CNKSR2: variants seen among roughly 807,000 people sequenced by gnomAD.
CNKSR2 encodes the protein connector enhancer of kinase suppressor of Ras 2.
CNKSR2 carries 14 observed loss-of-function variants against 84.4 expected under a neutral mutation model. The ratio of observed to expected loss-of-function variants is 0.17; its 90% CI spans 0.11 to 0.26. The LOEUF is 0.26. Ranked by LOEUF, CNKSR2 falls within the 10% of genes least tolerant of loss-of-function variation. CNKSR2 has a pLI of 1.00. For synonymous variants in CNKSR2, 275 were observed against 277.9 expected, an observed-to-expected ratio of 0.99 and a Z score of 0.10; for missense variants, 485 against 771.2, an observed-to-expected ratio of 0.63 and a Z score of 4.40.
intron 5 of CNKSR2, among the ~76,000 whole-genome samples, chrX:21,477,440 G>A (rs1236072616): frequency 9.6e-6 from 1 of 103,687 alleles, no homozygotes; most frequent in Non-Finnish European, 2.0e-5. Context: ...TTTTTCTTTT[G>A]TTACTTAGGT....
At chrX:21,433,032 C>T (rs2090656911) in intron 3 of CNKSR2, among the ~76,000 whole-genome samples, 1 of 111,690 alleles carries the variant, frequency 9.0e-6, no homozygotes, top group South Asian at 3.7e-4. Flanking sequence ...ATTAGTCTGA[C>T]AACTGTAAAA....
chrX:21,497,659 T>C, intron 6 of CNKSR2, 128 bp from the exon 7 acceptor site: 5 of 470,460 alleles, frequency 1.1e-5, no homozygotes, highest in Non-Finnish European at 1.9e-5. Flanking sequence ...TCTGTCTTCA[T>C]GGATTTATTT....
intron 13 of CNKSR2, among the ~76,000 whole-genome samples, chrX:21,578,799 A>G (rs934302148): frequency 5.4e-5 from 6 of 112,079 alleles, no homozygotes; most frequent in Admixed American, 9.5e-5. Context: ...AGTGGCATGG[A>G]ATAAAGGACT....
intron 11 of CNKSR2, among the ~76,000 whole-genome samples, chrX:21,534,566 G>A (rs775593423): frequency 1.8e-5 from 2 of 110,215 alleles, no homozygotes; most frequent in East Asian, 2.8e-4. Context: ...TTGTATAAGA[G>A]CTCCCTTTTC....
At chrX:21,593,081 A>G (rs2092430693) in intron 15 of CNKSR2, 1 of 111,051 alleles carries the variant, frequency 9.0e-6, no homozygotes. Context: ...CTTTAATATG[A>G]TAATATTTTT....
rs111377432 is a variant in CNKSR2 at position 21,485,166 on chromosome X, A to G, written c.562-5293A>G. ...CCACTGCACTCCAGCCTGGGCAACA[A>G]AGTGAGACTCTATCTCAAAAAATAA... On this transcript the variant is annotated intron_variant, in intron 5 of 21. Coordinates refer to ENST00000379510, the MANE Select transcript of CNKSR2 (RefSeq NM_014927.5). Among the ~76,000 whole-genome samples the G allele has an allele frequency of 1.0e-2, 1,113 of 111,394 alleles. 15 individuals are homozygous for G. The highest frequency in any genetic ancestry group is 0.033 in the African/African-American group (1,011 of 30,696).
intron 20 of CNKSR2, among the ~76,000 whole-genome samples, chrX:21,615,014 A>C (rs760893418): frequency 8.9e-6 from 1 of 112,338 alleles, no homozygotes; most frequent in Admixed American, 9.4e-5. Context: ...TCACATGTGC[A>C]TGCCTAAACA....
chrX:21,540,401 T>A, intron 11 of CNKSR2, among the ~76,000 whole-genome samples: 1 of 111,815 alleles, frequency 8.9e-6, no homozygotes, highest in East Asian at 2.8e-4. Context: ...TCATAAGCAA[T>A]AATCAATGAC....
At chrX:21,511,702 A>G (rs905838610) in intron 8 of CNKSR2, among the ~76,000 whole-genome samples, 8 of 111,522 alleles carry the variant, frequency 7.2e-5, no homozygotes, top group Non-Finnish European at 9.4e-5. Flanking sequence ...TCATTACTCA[A>G]CCAACTCTTT....
chrX:21,430,001 A>G (rs902713509), intron 2 of CNKSR2, among the ~76,000 whole-genome samples: 3 of 112,406 alleles, frequency 2.7e-5, no homozygotes, highest in African/African-American at 3.2e-5. Context: ...TTACATACAG[A>G]TGAGCTTCTT....
Position 21,556,246 on chromosome X carries a change from A to C in CNKSR2, c.1304-5225A>C, listed in dbSNP as rs765760549. Reference sequence around the variant, plus strand: ...TAAATATTGAGCAGTTACTGTGTTTAAGGTACTGCGCTAAGTGTGGGAGAT... The same window carrying C: ...TAAATATTGAGCAGTTACTGTGTTTCAGGTACTGCGCTAAGTGTGGGAGAT... On this transcript the variant is annotated intron_variant, in intron 11 of 21. Transcript: ENST00000379510. Among the ~76,000 whole-genome samples, 20 of 111,493 alleles carry C rather than the reference A, an allele frequency of 1.8e-4. 1 individual carries two copies. Among genetic ancestry groups the C allele is most frequent in the Admixed American group, 1.6e-3 (17 of 10,508 alleles).
chrX:21,584,710 C>G (rs776214593), intron 13 of CNKSR2, among the ~76,000 whole-genome samples: 3 of 111,203 alleles, frequency 2.7e-5, no homozygotes, highest in African/African-American at 6.5e-5. Context: ...GGGTGAAGGT[C>G]TTGGGATGGG....
At chrX:21,473,745 G>GTTT (rs768497403) in intron 5 of CNKSR2, among the ~76,000 whole-genome samples, 6 of 67,230 alleles carry the variant, frequency 8.9e-5, no homozygotes, top group Non-Finnish European at 1.2e-4. Context: ...TGTTGGTTTG[G>GTTT]TTTTTTTTTT....
chrX:21,550,745 G>T (rs1349858790), intron 11 of CNKSR2, among the ~76,000 whole-genome samples: 1 of 111,594 alleles, frequency 9.0e-6, no homozygotes, highest in Non-Finnish European at 1.9e-5. Flanking sequence ...CCATAAAAAA[G>T]GATGAGTTTG....
intron 18 of CNKSR2, among the ~76,000 whole-genome samples, chrX:21,603,051 G>A (rs756475412): frequency 2.3e-4 from 26 of 112,052 alleles, no homozygotes; most frequent in Non-Finnish European, 4.7e-4. Context: ...TTTTATTATG[G>A]ATGAAATAAC....
At chrX:21,518,213 T>G (rs745538179) in intron 9 of CNKSR2, among the ~76,000 whole-genome samples, 1 of 111,311 alleles carries the variant, frequency 9.0e-6, no homozygotes, top group Non-Finnish European at 1.9e-5. Context: ...TTTCACTGCA[T>G]TATAATTTGC....
intron 1 of CNKSR2, among the ~76,000 whole-genome samples, chrX:21,410,319 A>C (rs1394607522): frequency 9.0e-6 from 1 of 111,213 alleles, no homozygotes; most frequent in Non-Finnish European, 1.9e-5. Context: ...GTAATTAGAA[A>C]TTTGTAATTA....
chrX:21,444,565 A>G (rs1032053380), intron 4 of CNKSR2, among the ~76,000 whole-genome samples: 40 of 110,597 alleles, frequency 3.6e-4, no homozygotes, highest in South Asian at 7.6e-4. Flanking sequence ...AAGATTAGAA[A>G]CTGATTTAGC....
At chrX:21,564,291 G>A (rs1013615799) in intron 13 of CNKSR2, among the ~76,000 whole-genome samples, 1 of 111,324 alleles carries the variant, frequency 9.0e-6, no homozygotes, top group African/African-American at 3.3e-5. Context: ...TTTGAACTGG[G>A]AACTTGCGTG....
Sources: gnomAD v4.1 joint callset for allele counts (sites outside exome capture counted in the v4.1 genomes callset) on GRCh38, gnomAD v4.1.1 for gene constraint, MANE v1.5 for transcripts, NCBI Gene and HGNC (gene_info 2026-07-23, HGNC 2026-07-21) for gene names.